The following BCAR3 variants were observed in gnomAD, a reference collection of about 807,000 sequenced individuals.
BCAR3 encodes the protein breast cancer anti-estrogen resistance protein 3.
In BCAR3, 37 loss-of-function variants were observed where a neutral mutation model predicts 80.1. The observed-to-expected ratio is 0.46, with a 90% CI of 0.36 to 0.61. BCAR3 has a LOEUF of 0.61. Ranked by LOEUF, BCAR3 falls within the 20% of genes least tolerant of loss-of-function variation. The pLI is 0.00. For missense variants in BCAR3, 978 were observed against 1,068.2 expected (o/e 0.92, Z 1.18); for synonymous variants, 389 against 418.9 (o/e 0.93, Z 0.87).
chr1:93,696,036 T>TTC (rs1372140569), intron 3 of BCAR3, among the ~76,000 whole-genome samples: 2 of 149,958 alleles, frequency 1.3e-5, no homozygotes, highest in Admixed American at 6.6e-5. Context: ...CTGCTACTGC[T>TTC]TCTCTCTTTT....
At chr1:93,827,848 T>C (rs748070799) in intron 2 of BCAR3, among the ~76,000 whole-genome samples, 2 of 151,996 alleles carry the variant, frequency 1.3e-5, no homozygotes, top group Non-Finnish European at 2.9e-5. Context: ...AAATAAGACA[T>C]TGGCATGCTG....
chr1:93,753,705 C>T (rs1385244615), intron 2 of BCAR3: 1 of 152,260 alleles, frequency 6.6e-6, no homozygotes, highest in South Asian at 2.1e-4. Context: ...AGAGCATCTA[C>T]TTGCTGCCAT....
At chr1:93,751,467 C>T (rs1651554301) in intron 2 of BCAR3, among the ~76,000 whole-genome samples, 1 of 152,122 alleles carries the variant, frequency 6.6e-6, no homozygotes, top group South Asian at 2.1e-4. Context: ...TACCTGGTAC[C>T]AAGCTGGCCT....
chr1:93,719,899 C>A lies in BCAR3; in HGVS notation c.-62-13757G>T, dbSNP rs561782746. ...ATGATTTGCTCAAAGTTGAATTTTA[C>A]AATTTTTTATTTTAGAGACAGAATC... On this transcript the variant is annotated intron_variant, in intron 2 of 13. Transcript: ENST00000370244. Among the ~76,000 whole-genome samples the A allele has an allele frequency of 2.1e-3, 317 of 152,158 alleles. 1 individual carries two copies. The highest frequency in any genetic ancestry group is 7.4e-3 in the African/African-American group (306 of 41,514).
At chr1:93,564,290 CTTTTTTTTT>C (rs35780346) in intron 11 of BCAR3, among the ~76,000 whole-genome samples, 3,823 of 103,766 alleles carry the variant, frequency 0.037, 184 homozygotes, top group African/African-American at 0.13. Context: ...TTCTTTCTTT[CTTTTTTTTT>C]TTTTTTTTTT....
intron 3 of BCAR3, among the ~76,000 whole-genome samples, chr1:93,631,157 G>A (rs1024651465): frequency 2.6e-5 from 4 of 152,114 alleles, no homozygotes; most frequent in African/African-American, 7.2e-5. Context: ...AGCACTCCTC[G>A]GCTTGCAGAC....
intron 2 of BCAR3, among the ~76,000 whole-genome samples, chr1:93,815,221 G>A (rs907238040): frequency 2.0e-5 from 3 of 152,116 alleles, no homozygotes; most frequent in Non-Finnish European, 4.4e-5. Context: ...CAGAGCTGCC[G>A]CCTCCTCATT....
At chr1:93,781,173 A>T (rs1185047145) in intron 2 of BCAR3, among the ~76,000 whole-genome samples, 3 of 152,270 alleles carry the variant, frequency 2.0e-5, no homozygotes, top group African/African-American at 7.2e-5. Flanking sequence ...AGAAAATAAG[A>T]CAATACAAAA....
intron 2 of BCAR3, among the ~76,000 whole-genome samples, chr1:93,722,086 G>A (rs1650426331): frequency 6.6e-6 from 1 of 152,196 alleles, no homozygotes; most frequent in Admixed American, 6.5e-5. Flanking sequence ...TGGCCATCCT[G>A]CAGCTCTCCA....
intron 2 of BCAR3, among the ~76,000 whole-genome samples, chr1:93,715,547 A>G (rs896294026): frequency 6.6e-6 from 1 of 152,190 alleles, no homozygotes; most frequent in African/African-American, 2.4e-5. Flanking sequence ...AGAACTGCCA[A>G]ATCACCAGCC....
At chr1:93,688,631 T>G (rs959421390) in intron 3 of BCAR3, among the ~76,000 whole-genome samples, 5 of 152,200 alleles carry the variant, frequency 3.3e-5, no homozygotes, top group African/African-American at 1.2e-4. Context: ...AGTCTCACTC[T>G]GTTGGCCAGG....
intron 3 of BCAR3, among the ~76,000 whole-genome samples, chr1:93,628,922 T>C (rs11588860): frequency 0.14 from 20,663 of 152,196 alleles, 1,482 homozygotes; most frequent in African/African-American, 0.18. Context: ...CAAAATTGTT[T>C]CTAACAGAAC....
intron 2 of BCAR3, among the ~76,000 whole-genome samples, chr1:93,726,837 C>T (rs944801910): frequency 7.2e-5 from 11 of 152,298 alleles, no homozygotes; most frequent in Middle Eastern, 3.4e-3. Context: ...GTGGTGACTA[C>T]AATTAATTTT....
chr1:93,649,441 A>G (rs959009127), intron 2 of BCAR3, among the ~76,000 whole-genome samples: 1 of 152,072 alleles, frequency 6.6e-6, no homozygotes, highest in African/African-American at 2.4e-5. Context: ...CAAGAGCTTG[A>G]GGTTTAGCCA....
intron 2 of BCAR3, among the ~76,000 whole-genome samples, chr1:93,658,104 C>T (rs1319975298): frequency 1.3e-5 from 2 of 152,030 alleles, no homozygotes; most frequent in Admixed American, 1.3e-4. Flanking sequence ...CCACGCCCAG[C>T]TAATTTTTGT....
chr1:93,770,170 T>C lies in BCAR3; in HGVS notation c.-62-64028A>G, dbSNP rs187593813. On this transcript the variant is annotated intron_variant, in intron 2 of 13. Coordinates refer to the BCAR3 transcript ENST00000370244. ...CCACTGGAGATCAATCCCAAGTCCTTGGTCGAGAAGATTTTAAGTTGAAAC... is the reference window on the plus strand; with the variant it reads ...CCACTGGAGATCAATCCCAAGTCCTCGGTCGAGAAGATTTTAAGTTGAAAC... Among the ~76,000 whole-genome samples the C allele has an allele frequency of 2.4e-3, 367 of 152,250 alleles. 2 individuals carry two copies. The highest frequency in any genetic ancestry group is 8.6e-3 in the African/African-American group (358 of 41,544).
intron 2 of BCAR3, among the ~76,000 whole-genome samples, chr1:93,671,866 G>GAACA (rs762256182): frequency 1.3e-5 from 2 of 152,022 alleles, no homozygotes; most frequent in Non-Finnish European, 2.9e-5. Flanking sequence ...TCAAAATTGG[G>GAACA]AACACCTCAG....
At chr1:93,785,302 T>C (rs946483930) in intron 2 of BCAR3, among the ~76,000 whole-genome samples, 15 of 152,192 alleles carry the variant, frequency 9.9e-5, no homozygotes, top group Non-Finnish European at 2.1e-4. Context: ...AGTCAAATGC[T>C]TGTCAGACAT....
At chr1:93,573,761 T>C (rs533923799) in intron 8 of BCAR3, among the ~76,000 whole-genome samples, 1 of 152,002 alleles carries the variant, frequency 6.6e-6, no homozygotes, top group Non-Finnish European at 1.5e-5. Context: ...CCCACGTAGC[T>C]GGGACCACAG....
Sources: gnomAD v4.1 joint callset for allele counts (sites outside exome capture counted in the v4.1 genomes callset) on GRCh38, gnomAD v4.1.1 for gene constraint, MANE v1.5 for transcripts, NCBI Gene and HGNC (gene_info 2026-07-23, HGNC 2026-07-21) for gene names.